Variants in DNAJC21 observed in about 807,000 individuals in gnomAD.
The protein encoded by DNAJC21 is DnaJ heat shock protein family (Hsp40) member C21, also known as dnaJ homolog subfamily C member 21.
Under a neutral mutation model 72.4 loss-of-function variants are expected in DNAJC21, and 63 were observed. The ratio of observed to expected loss-of-function variants is 0.87; its 90% CI spans 0.71 to 1.07. The LOEUF is 1.07. Ranked by LOEUF, DNAJC21 falls within the 50% of genes least tolerant of loss-of-function variation. DNAJC21 has a pLI of 0.00. For missense variants in DNAJC21, 634 were observed against 644.8 expected, an observed-to-expected ratio of 0.98 and a Z score of 0.18; for synonymous variants, 203 against 216.7, an observed-to-expected ratio of 0.94 and a Z score of 0.56.
intron 11 of DNAJC21, 143 bp from the exon 12 acceptor site, chr5:34,954,410 G>A: frequency 1.0e-6 from 1 of 971,064 alleles, no homozygotes; most frequent in Non-Finnish European, 1.5e-6. Context: ...ATCTGCCTTT[G>A]TTGAACGTGT....
intron 9 of DNAJC21, among the ~76,000 whole-genome samples, chr5:34,948,259 A>AGTC (rs1297275547): frequency 6.6e-6 from 1 of 152,236 alleles, no homozygotes; most frequent in Non-Finnish European, 1.5e-5. Context: ...CACCCCTAGC[A>AGTC]GTGAGTACAC....
chr5:34,937,708 T>C (rs1280116860), intron 5 of DNAJC21, 78 bp downstream of exon 5: 2 of 1,503,164 alleles, frequency 1.3e-6, no homozygotes, highest in Admixed American at 2.2e-5. Flanking sequence ...TACATGTTCA[T>C]GTTGGGTTCA....
chr5:34,953,853 A>T, intron 10 of DNAJC21, 73 bp from the exon 11 acceptor site: 1 of 1,152,522 alleles, frequency 8.7e-7, no homozygotes, highest in South Asian at 1.6e-5. Context: ...TGAGTGTTCT[A>T]GAGAGCACTC....
At chr5:34,953,889 G>C in intron 10 of DNAJC21, 37 bp from the exon 11 acceptor site, 1 of 1,546,496 alleles carries the variant, frequency 6.5e-7, no homozygotes, top group Non-Finnish European at 8.9e-7. Context: ...AAAGGAGTAT[G>C]TTATTTTTGG....
intron 4 of DNAJC21, 51 bp from the exon 5 acceptor site, chr5:34,937,275 C>A: frequency 6.5e-7 from 1 of 1,540,932 alleles, no homozygotes; most frequent in East Asian, 2.3e-5. Context: ...TACTGCTTTT[C>A]TAAAAAAAAA....
In DNAJC21 at chr5:34,929,785, C is replaced by T. The variant is rs1251372233; in HGVS notation, c.-35C>T. ...CCGGGCCCGGGCCCCGACCCCGTCC[C>T]GGGCCCCAGCGCCGGCCGCCCGCCC... On this transcript the variant is annotated 5_prime_UTR_variant, in exon 1 of 12. Coordinates refer to ENST00000648817, the MANE Select transcript of DNAJC21 (RefSeq NM_001012339.3). 2.4e-6 allele frequency: 3 copies of T among 1,246,144 alleles called. No homozygotes were observed. Among genetic ancestry groups the T allele is most frequent in the South Asian group, 3.6e-5 (2 of 55,756 alleles). The allele number at this position is 1,246,144 out of a possible 1,614,324, so 77.2% of individuals were successfully genotyped here.
intron 1 of DNAJC21, among the ~76,000 whole-genome samples, chr5:34,932,294 G>A (rs1431118729): frequency 3.3e-5 from 5 of 151,954 alleles, no homozygotes; most frequent in Non-Finnish European, 5.9e-5. Flanking sequence ...GGTGGCGCAC[G>A]CCTGTGGTCC....
chr5:34,936,524 T>A lies in DNAJC21; in HGVS notation c.438+258T>A, dbSNP rs539677448. ...TTGTAGAGATGGGGTCTTGCTAAGT[T>A]TCCCAGGCTGATCTTGAACTCCTGG... On this transcript the variant is annotated intron_variant, in intron 4 of 11. Transcript: ENST00000648817. 1.3e-4 allele frequency among the ~76,000 whole-genome samples: 20 copies of A among 152,188 alleles called. 1 individual carries two copies. The South Asian group carries it at 3.9e-3, about 30-fold the overall frequency.
In DNAJC21 at chr5:34,957,379, T is replaced by C. The variant is rs1765566001; in HGVS notation, c.*2665T>C. 6.6e-6 allele frequency: 1 copy of C among 152,216 alleles called. No homozygotes were observed. The highest frequency in any genetic ancestry group is 1.5e-5 in the Non-Finnish European group (1 of 68,026). 9.4% of individuals were successfully genotyped at this position (152,216 alleles called of 1,614,324 possible). A position where few individuals can be genotyped will look rare whatever the true frequency, so the allele number is the denominator to read the frequency against. ...AGTGGTGCCAAAGCTGGGGGTTCCC[T>C]ACAATGGCTATTTAGACTTTCCCTG... On this transcript the variant is annotated 3_prime_UTR_variant, in exon 12 of 12. Transcript: ENST00000648817.
At position 34,957,924 on chromosome 5, in the gene DNAJC21, T is replaced by G. The variant is rs1765581444; in HGVS notation, c.*3210T>G. On this transcript the variant is annotated 3_prime_UTR_variant, in exon 12 of 12. Coordinates refer to ENST00000648817, the MANE Select transcript of DNAJC21 (RefSeq NM_001012339.3). ...TATCTCTATTCAATTCCCTTCCTTA[T>G]CTGTTAAATTTAATGTCTTTATACT... 1 of 152,216 alleles carries G rather than the reference T, an allele frequency of 6.6e-6. No individual in the cohort carries two copies. Among genetic ancestry groups the G allele is most frequent in the Non-Finnish European group, 1.5e-5 (1 of 68,042 alleles). 9.4% of individuals were successfully genotyped at this position (152,216 alleles called of 1,614,324 possible).
At chr5:34,940,436 G>C (rs1764948567) in intron 6 of DNAJC21, among the ~76,000 whole-genome samples, 1 of 152,126 alleles carries the variant, frequency 6.6e-6, no homozygotes, top group Non-Finnish European at 1.5e-5. Flanking sequence ...GATACCTTGA[G>C]ATATTTATTG....
intron 1 of DNAJC21, 63 bp downstream of exon 1, chr5:34,929,979 C>G: frequency 7.5e-7 from 1 of 1,329,296 alleles, no homozygotes; most frequent in Non-Finnish European, 1.0e-6. Context: ...CCGACCTTCC[C>G]TTCCCCCGGG....
intron 1 of DNAJC21, 61 bp from the exon 2 acceptor site, chr5:34,933,754 G>A: frequency 7.2e-7 from 1 of 1,385,018 alleles, no homozygotes; most frequent in Non-Finnish European, 1.0e-6. Flanking sequence ...GATGGAAAAT[G>A]TCTTATTTAG....
Position 34,945,021 on chromosome 5 carries a change from C to CA in DNAJC21, c.1142dup (p.Leu382AlafsTer3), listed in dbSNP as rs746935933. On this transcript the variant is annotated frameshift_variant, in exon 8 of 12. Coordinates refer to ENST00000648817, the MANE Select transcript of DNAJC21 (RefSeq NM_001012339.3). LOFTEE classifies it high-confidence loss of function. ...GGAAGAAATGGAAGATGCACCAAAA[C>CA]AAAAGTACTTCTAAATATTAAATGT... The CA allele has an allele frequency of 6.8e-6, 11 of 1,611,912 alleles. No homozygotes were observed. Among genetic ancestry groups the CA allele is most frequent in the Non-Finnish European group, 9.3e-6 (11 of 1,179,486 alleles).
chr5:34,930,789 C>T (rs2112011004), intron 1 of DNAJC21, among the ~76,000 whole-genome samples: 1 of 152,266 alleles, frequency 6.6e-6, no homozygotes, highest in South Asian at 2.1e-4. Context: ...TTTGGAAATG[C>T]TGAGACAGGG....
At chr5:34,953,608 G>T (rs1418680869) in intron 10 of DNAJC21, 2 of 215,476 alleles carry the variant, frequency 9.3e-6, no homozygotes, top group African/African-American at 2.3e-5. Flanking sequence ...ATAAAACACT[G>T]TATTAAACAC....
intron 9 of DNAJC21, among the ~76,000 whole-genome samples, chr5:34,948,128 T>G (rs79061770): frequency 3.1e-3 from 473 of 152,170 alleles, no homozygotes; most frequent in African/African-American, 0.011. Context: ...AAATATAAAT[T>G]GAGGAAAAGA....
rs902454135 is a variant in DNAJC21, at chr5:34,945,913, A to G, written c.1185+110A>G. On this transcript the variant is annotated intron_variant, in intron 9 of 11. Transcript: ENST00000648817. ...AGAGAAACTTATACTCCATAATTTTATGTTGATTGTAAGATTGATTAAAAA... is the reference window on the plus strand; with the variant it reads ...AGAGAAACTTATACTCCATAATTTTGTGTTGATTGTAAGATTGATTAAAAA... 5.6e-6 allele frequency: 4 copies of G among 716,828 alleles called. No homozygotes were observed. The African/African-American group carries it at 7.3e-5, about 13-fold the overall frequency. 44.4% of individuals were successfully genotyped at this position (716,828 alleles called of 1,614,324 possible). A position where few individuals can be genotyped will look rare whatever the true frequency, so the allele number is the denominator to read the frequency against.
At position 34,936,324 on chromosome 5, in the gene DNAJC21, T is replaced by C. The variant is rs568447837; in HGVS notation, c.438+58T>C. On this transcript the variant is annotated intron_variant, in intron 4 of 11. Coordinates refer to ENST00000648817, the MANE Select transcript of DNAJC21 (RefSeq NM_001012339.3). ...ATTTATCACTGTGTCATTTTTAAAT[T>C]TTATTTTACTTTTTGAGATGGTCTC... 3 of 1,576,598 alleles carry C rather than the reference T, an allele frequency of 1.9e-6. No homozygotes were observed. The African/African-American group carries it at 4.1e-5, about 21-fold the overall frequency.
Sources: allele counts gnomAD v4.1 joint callset (sites outside exome capture counted in the v4.1 genomes callset), GRCh38; gene constraint gnomAD v4.1.1; transcripts MANE v1.5; gene names NCBI Gene and HGNC (gene_info 2026-07-23, HGNC 2026-07-21).